ZNF157: variants seen among roughly 807,000 people sequenced by gnomAD.
ZNF157 encodes the protein zinc finger protein 22.
Under a neutral mutation model 9.4 loss-of-function variants are expected in ZNF157, and 8 were observed. The ratio of observed to expected loss-of-function variants is 0.85; its 90% CI spans 0.50 to 1.53. The LOEUF is 1.53. ZNF157 is among the 40% of genes most tolerant of loss of function. The pLI, the probability that ZNF157 is intolerant of heterozygous loss-of-function variation, is 0.00. For synonymous variants in ZNF157, 120 were observed against 130.8 expected (o/e 0.92, Z 0.56); for missense variants, 316 against 385.2 (o/e 0.82, Z 1.50).
At chrX:47,404,663 T>C (rs2055941481) in intron 1 of ZNF157, among the ~76,000 whole-genome samples, 1 of 111,291 alleles carries the variant, frequency 9.0e-6, no homozygotes, top group South Asian at 3.7e-4. Context: ...TGACTGAATA[T>C]GATGTTGTGA....
chrX:47,380,735 TTTA>T (rs1429400247), intron 1 of ZNF157, among the ~76,000 whole-genome samples: 3 of 105,703 alleles, frequency 2.8e-5, no homozygotes, highest in Non-Finnish European at 3.9e-5. Context: ...ATTATTTTTA[TTTA>T]TTATTATTAT....
intron 3 of ZNF157, 112 bp from the exon 4 acceptor site, chrX:47,412,257 C>A: frequency 2.9e-6 from 2 of 680,881 alleles, no homozygotes; most frequent in Non-Finnish European, 4.3e-6. Flanking sequence ...CTGTGCCTGG[C>A]TGGAATAGAG....
intron 1 of ZNF157, among the ~76,000 whole-genome samples, chrX:47,383,371 CAAAAAAAAAAAAAA>C (rs35133137): frequency 1.6e-4 from 3 of 18,824 alleles, no homozygotes; most frequent in African/African-American, 2.0e-4. Context: ...GACTCAGTCT[CAAAAAAAAAAAAAA>C]AAAAAAAAAA....
chrX:47,411,612 C>G (rs1037616035), intron 3 of ZNF157, among the ~76,000 whole-genome samples: 7 of 110,487 alleles, frequency 6.3e-5, no homozygotes, highest in Non-Finnish European at 1.3e-4. Flanking sequence ...AAGTGATCCA[C>G]CTGCCATGGC....
At chrX:47,392,662 A>G (rs1325645055) in intron 1 of ZNF157, among the ~76,000 whole-genome samples, 1 of 111,948 alleles carries the variant, frequency 8.9e-6, no homozygotes, top group Non-Finnish European at 1.9e-5. Flanking sequence ...GTCTTAATGC[A>G]TTACGGCATC....
At chrX:47,388,729 C>T (rs986365907) in intron 1 of ZNF157, 33 of 156,683 alleles carry the variant, frequency 2.1e-4, no homozygotes, top group African/African-American at 9.3e-4. Context: ...GTCATTGTGA[C>T]GGGGGGCACA....
At position 47,412,964 on chromosome X, in the gene ZNF157, A is replaced by G. The variant is rs2055970497; in HGVS notation, c.891A>G (p.Thr297=). ...TTACCCAACACCACAGAACTCATAC[A>G]GGGGAGAAACCTTATGAATGTGGGG... The part of the protein sequence containing the change: ...ISLTQHHRTH[T]GEKPYECGEC... The change falls in exon 4 of 4, where the codon ACA becomes ACG. Residue 297 remains threonine, a synonymous_variant. Transcript: ENST00000377073. 3 of 1,211,326 alleles carry G rather than the reference A, an allele frequency of 2.5e-6. No homozygotes were observed. Among genetic ancestry groups the G allele is most frequent in the Non-Finnish European group, 3.4e-6 (3 of 895,081 alleles).
chrX:47,400,521 A>T (rs2055927608), intron 1 of ZNF157, among the ~76,000 whole-genome samples: 1 of 112,120 alleles, frequency 8.9e-6, no homozygotes, highest in Admixed American at 9.6e-5. Context: ...TGAGGATGAT[A>T]TGCAACATAA....
chrX:47,402,074 A>G (rs139599676), intron 1 of ZNF157, among the ~76,000 whole-genome samples: 101 of 111,762 alleles, frequency 9.0e-4, no homozygotes, highest in African/African-American at 3.1e-3. Flanking sequence ...GAAATTAGGT[A>G]TATAAATCCT....
intron 1 of ZNF157, among the ~76,000 whole-genome samples, chrX:47,401,182 T>C (rs186974383): frequency 8.9e-6 from 1 of 112,073 alleles, no homozygotes; most frequent in Non-Finnish European, 1.9e-5. Context: ...ACATTATGGG[T>C]ATTTCAGGTT....
In ZNF157 at chrX:47,413,357, C is replaced by G. The variant is rs769725196; in HGVS notation, c.1284C>G (p.Ser428=). 15 of 1,209,185 alleles carry G rather than the reference C, an allele frequency of 1.2e-5. No homozygotes were observed. The highest frequency in any genetic ancestry group is 4.6e-4 in the Middle Eastern group (2 of 4,360). Residue 428 remains serine (S), a synonymous_variant, in exon 4 of 4, where the codon TCC becomes TCG. Coordinates refer to ENST00000377073, the MANE Select transcript of ZNF157 (RefSeq NM_003446.4). ...GGAAAATCTTCAGTATGAAGAAATC[C>G]CTTTGTCAACACCGGAGAACTCACA... The part of the protein sequence containing the change: ...ECGKIFSMKK[S]LCQHRRTHTG...
chrX:47,393,778 G>A (rs1332837514), intron 1 of ZNF157, among the ~76,000 whole-genome samples: 2 of 79,638 alleles, frequency 2.5e-5, no homozygotes, highest in Non-Finnish European at 4.4e-5. Context: ...TTGCTCTGTC[G>A]CCCAGGCTGG....
At chrX:47,409,330 T>C (rs2055956356) in intron 1 of ZNF157, among the ~76,000 whole-genome samples, 1 of 111,642 alleles carries the variant, frequency 9.0e-6, no homozygotes, top group Non-Finnish European at 1.9e-5. Context: ...TTTATAAGTA[T>C]AAATATATTT....
intron 1 of ZNF157, chrX:47,390,949 T>C (rs943117708): frequency 8.9e-6 from 1 of 112,315 alleles, no homozygotes; most frequent in African/African-American, 3.2e-5. Flanking sequence ...TTGTTCTTGT[T>C]TCTTTTGATA....
rs780984002 is a variant in ZNF157 at position 47,400,023 on chromosome X, G to A, written c.73-10253G>A. On this transcript the variant is annotated intron_variant, in intron 1 of 3. Coordinates refer to ENST00000377073, the MANE Select transcript of ZNF157 (RefSeq NM_003446.4). ...TTTTTTTTTTTTTTTTTGAGACAGA[G>A]TCTTGCTCTGTCACCCAGGCTGGAG... Among the ~76,000 whole-genome samples the A allele has an allele frequency of 4.3e-5, 4 of 92,289 alleles. No individual in the cohort carries two copies. The East Asian group carries it at 1.1e-3, about 24-fold the overall frequency. 80.1% of individuals were successfully genotyped at this position (92,289 alleles called of 115,157 possible).
chrX:47,400,237 TCTGC>T (rs2055926766), intron 1 of ZNF157, among the ~76,000 whole-genome samples: 1 of 110,437 alleles, frequency 9.1e-6, no homozygotes, highest in Admixed American at 9.8e-5. Context: ...CCTCAGGTGA[TCTGC>T]CTGCCTGCCT....
Position 47,396,503 on chromosome X carries a change from C to A in ZNF157, c.73-13773C>A, listed in dbSNP as rs1274904162. ...GCAGTGAGCCGAGATCGCGCCATTG[C>A]ACTCCAACCTGGGCAACAAGAGCGA... On this transcript the variant is annotated intron_variant, in intron 1 of 3. Transcript: ENST00000377073. Among the ~76,000 whole-genome samples, 5 of 110,509 alleles carry A rather than the reference C, an allele frequency of 4.5e-5. No homozygotes were observed. The Admixed American group carries it at 4.9e-4, about 11-fold the overall frequency.
intron 1 of ZNF157, among the ~76,000 whole-genome samples, chrX:47,378,753 G>A (rs1602759502): frequency 9.0e-6 from 1 of 111,036 alleles, no homozygotes; most frequent in Admixed American, 9.6e-5. Context: ...CAGGAGAATC[G>A]CTTGAACCCA....
At chrX:47,410,594 C>T in intron 2 of ZNF157, 86 bp from the exon 3 acceptor site, 1 of 984,630 alleles carries the variant, frequency 1.0e-6, no homozygotes. Context: ...CCTTGTGCAG[C>T]TCATGAAGAT....
Sources: gnomAD v4.1 joint callset for allele counts (sites outside exome capture counted in the v4.1 genomes callset) on GRCh38, gnomAD v4.1.1 for gene constraint, MANE v1.5 for transcripts, NCBI Gene and HGNC (gene_info 2026-07-23, HGNC 2026-07-21) for gene names.